DDX6: variants seen among roughly 807,000 people sequenced by gnomAD.
The protein encoded by DDX6 is probable ATP-dependent RNA helicase DDX6.
Under a neutral mutation model 60.6 loss-of-function variants are expected in DDX6, and 7 were observed. The observed-to-expected ratio is 0.12, with a 90% CI of 0.07 to 0.22. DDX6 has a LOEUF of 0.22. Among genes scored for constraint, DDX6 ranks in the 10% least tolerant of loss-of-function variants. The probability of loss-of-function intolerance (pLI) is 1.00; values close to 1 mark genes in which losing one functional copy is unlikely to be tolerated. For synonymous variants in DDX6, 207 were observed against 201.0 expected (o/e 1.03, Z -0.25); for missense variants, 270 against 589.9 (o/e 0.46, Z 5.62).
rs1555156243 is a variant in DDX6, at chr11:118,748,097, G to T, written c.*4008C>A. Reference sequence around the variant, plus strand: ...TTTTCCTGTTTCAAAAAAGGGAATAGTGACTTTGTTTTCTCCAGGCTCCCC... The same window carrying T: ...TTTTCCTGTTTCAAAAAAGGGAATATTGACTTTGTTTTCTCCAGGCTCCCC... On this transcript the variant is annotated 3_prime_UTR_variant, in exon 14 of 14. Transcript: ENST00000534980. 2 of 152,116 alleles carry T rather than the reference G, an allele frequency of 1.3e-5. No individual in the cohort carries two copies. The highest frequency in any genetic ancestry group is 4.8e-5 in the African/African-American group (2 of 41,428). The allele number at this position is 152,116 out of a possible 1,614,324, so 9.4% of individuals were successfully genotyped here. A position where few individuals can be genotyped will look rare whatever the true frequency, so the allele number is the denominator to read the frequency against.
intron 2 of DDX6, among the ~76,000 whole-genome samples, chr11:118,782,961 C>T (rs1354817813): frequency 2.6e-5 from 4 of 152,280 alleles, no homozygotes; most frequent in South Asian, 4.1e-4. Context: ...CCTGTATCAT[C>T]GAAGTTTCTG....
At chr11:118,790,244 C>G (rs1862224528) in intron 1 of DDX6, 1 of 150,882 alleles carries the variant, frequency 6.6e-6, no homozygotes, top group African/African-American at 2.4e-5. Context: ...TGTCCCCCCG[C>G]ACCCCGCCCC....
At position 118,765,202 on chromosome 11, in the gene DDX6, T is replaced by C. The variant is rs201557405; in HGVS notation, c.646+7A>G. The C allele has an allele frequency of 2.7e-4, 432 of 1,612,056 alleles. 2 individuals carry two copies. In the East Asian group the frequency reaches 9.5e-3, roughly 36 times the overall value. ...AGCTACACTACCTTTTAGTAATCAT[T>C]TCTTACCTGTATCATCAAGCCTCAT... On this transcript the variant is annotated splice_region_variant and intron_variant, in intron 6 of 13. Transcript: ENST00000534980.
intron 6 of DDX6, among the ~76,000 whole-genome samples, chr11:118,764,552 C>A (rs1861284473): frequency 6.6e-6 from 1 of 152,054 alleles, no homozygotes; most frequent in African/African-American, 2.4e-5. Flanking sequence ...CGCCTGTAAT[C>A]CCAGCACTTT....
At position 118,757,171 on chromosome 11, in the gene DDX6, C is replaced by A; in HGVS notation, c.1110G>T (p.Gln370His). The change falls in exon 10 of 14, where the codon CAG becomes CAT. Residue 370 changes from glutamine (Q) to histidine (H), a missense_variant and splice_region_variant. By Grantham distance (24) the Gln-to-His change is conservative. Around this residue, in one of 8 missense-constraint regions of DDX6, gnomAD observed 69 missense variants for 208.2 expected, o/e 0.33. Coordinates refer to ENST00000534980, the MANE Select transcript of DDX6 (RefSeq NM_004397.6). ...SCFYIHAKMRQEHRNRVFHDF... is the reference protein window; with the variant it reads ...SCFYIHAKMRHEHRNRVFHDF... ...GTGCAAGTTCTAGTTTTATACTCAC[C>A]TGCCTCATTTTAGCATGAATATAGA... is the stretch of plus-strand genomic sequence containing the variant. The A allele has an allele frequency of 6.7e-7, 1 of 1,500,400 alleles. No homozygotes were observed. The highest frequency in any genetic ancestry group is 9.0e-7 in the Non-Finnish European group (1 of 1,110,596). 92.9% of individuals were successfully genotyped at this position (1,500,400 alleles called of 1,614,324 possible). A position where few individuals can be genotyped will look rare whatever the true frequency, so the allele number is the denominator to read the frequency against.
intron 2 of DDX6, among the ~76,000 whole-genome samples, chr11:118,782,736 C>G (rs1555164911): frequency 6.6e-6 from 1 of 151,678 alleles, no homozygotes; most frequent in African/African-American, 2.4e-5. Context: ...CTCCACCTCC[C>G]GGGGTTCAAG....
rs1555157104 is a variant in DDX6, at chr11:118,751,000, T to C, written c.*1105A>G. The C allele has an allele frequency of 6.6e-6, 1 of 151,542 alleles. No homozygotes were observed. The highest frequency in any genetic ancestry group is 6.6e-5 in the Admixed American group (1 of 15,128). 9.4% of individuals were successfully genotyped at this position (151,542 alleles called of 1,614,324 possible). A position where few individuals can be genotyped will look rare whatever the true frequency, so the allele number is the denominator to read the frequency against. On this transcript the variant is annotated 3_prime_UTR_variant, in exon 14 of 14. Coordinates refer to ENST00000534980, the MANE Select transcript of DDX6 (RefSeq NM_004397.6). The stretch of plus-strand genomic sequence containing the variant: ...AAACTGAGCCCCTCTCATCTTTAGC[T>C]GCTCCCATAATCACTCTAATCCCCT...
At chr11:118,761,341 G>T (rs1555160130) in intron 7 of DDX6, among the ~76,000 whole-genome samples, 1 of 152,206 alleles carries the variant, frequency 6.6e-6, no homozygotes, top group African/African-American at 2.4e-5. Flanking sequence ...CTAAGGCCAG[G>T]TGTGGTGGCT....
chr11:118,775,401 A>C (rs1473633688), intron 4 of DDX6, among the ~76,000 whole-genome samples: 1 of 152,208 alleles, frequency 6.6e-6, no homozygotes. Context: ...AAATTTTTTT[A>C]CTAGGGGATC....
At chr11:118,761,694 A>G (rs1023119869) in intron 7 of DDX6, among the ~76,000 whole-genome samples, 1 of 152,158 alleles carries the variant, frequency 6.6e-6, no homozygotes, top group African/African-American at 2.4e-5. Flanking sequence ...AATTAAACCT[A>G]AACTCTGGCA....
Position 118,765,130 on chromosome 11 carries a change from A to G in DDX6, c.646+79T>C, listed in dbSNP as rs933944884. On this transcript the variant is annotated intron_variant, in intron 6 of 13. Transcript: ENST00000534980. ...TATTTCTGTTCCTTAATTCTTAAAA[A>G]CAATTTTTAATAATTTACTGAAATA... 3.3e-6 allele frequency: 5 copies of G among 1,537,780 alleles called. No homozygotes were observed. The Admixed American group carries it at 5.4e-5, about 17-fold the overall frequency.
chr11:118,752,859 TG>T (rs1440790240), intron 13 of DDX6, among the ~76,000 whole-genome samples: 4 of 151,988 alleles, frequency 2.6e-5, no homozygotes, highest in Admixed American at 6.6e-5. Context: ...GAAGCCAAAG[TG>T]GGAGGATCAT....
Position 118,773,873 on chromosome 11 carries a change from A to AC in DDX6, c.370-5522_370-5521insG, listed in dbSNP as rs1236187628. Among the ~76,000 whole-genome samples, 178 of 151,708 alleles carry AC rather than the reference A, an allele frequency of 1.2e-3. 1 individual carries two copies. The highest frequency in any genetic ancestry group is 3.7e-3 in the African/African-American group (152 of 41,420). ...AAACAAAACACACACCAAAAAAAAA[A>AC]ACAAAACAAACAAACAAAAAAAACC... On this transcript the variant is annotated intron_variant, in intron 4 of 13. Coordinates refer to ENST00000534980, the MANE Select transcript of DDX6 (RefSeq NM_004397.6).
At chr11:118,780,601 G>A (rs889780379) in intron 3 of DDX6, among the ~76,000 whole-genome samples, 1 of 152,236 alleles carries the variant, frequency 6.6e-6, no homozygotes, top group Non-Finnish European at 1.5e-5. Context: ...ACAGGCAAGA[G>A]CCACTGTGCC....
At position 118,757,220 on chromosome 11, in the gene DDX6, ATCT is replaced by A; in HGVS notation, c.1058_1060del (p.Lys353del). 6.3e-7 allele frequency: 1 copy of A among 1,591,722 alleles called. No individual in the cohort carries two copies. Among genetic ancestry groups the A allele is most frequent in the Non-Finnish European group, 8.5e-7 (1 of 1,170,390 alleles). ...GAAGCAAGAATAACCCAGTTGAGAA[ATCT>A]TCTTGGCTAGCAATTCAACTCGCTG... On this transcript the variant is annotated inframe_deletion, in exon 10 of 14. Coordinates refer to ENST00000534980, the MANE Select transcript of DDX6 (RefSeq NM_004397.6).
chr11:118,760,235 T>A (rs1479966908), intron 7 of DDX6, among the ~76,000 whole-genome samples, 191 bp from the exon 8 acceptor site: 1 of 152,034 alleles, frequency 6.6e-6, no homozygotes, highest in African/African-American at 2.4e-5. Flanking sequence ...ATAATCCCCA[T>A]CTTCTAGGGG....
chr11:118,750,198 T>TC lies in DDX6; in HGVS notation c.*1906dup, dbSNP rs1277363558. The TC allele has an allele frequency of 3.3e-5, 5 of 152,078 alleles. No individual in the cohort carries two copies. The highest frequency in any genetic ancestry group is 6.6e-5 in the Admixed American group (1 of 15,178). 9.4% of individuals were successfully genotyped at this position (152,078 alleles called of 1,614,324 possible). On this transcript the variant is annotated 3_prime_UTR_variant, in exon 14 of 14. Coordinates refer to ENST00000534980, the MANE Select transcript of DDX6 (RefSeq NM_004397.6). ...TTTTTAATTTTGTTTTTTGCTTTTTTCCCCCCCTTTCCAGATGCCTCCTGA... is the reference window on the plus strand; with the variant it reads ...TTTTTAATTTTGTTTTTTGCTTTTTTCCCCCCCCTTTCCAGATGCCTCCTGA...
intron 3 of DDX6, 54 bp downstream of exon 3, chr11:118,781,067 A>ACCTCACT: frequency 8.2e-7 from 1 of 1,222,358 alleles, no homozygotes; most frequent in South Asian, 1.3e-5. Context: ...GGACAGCTAT[A>ACCTCACT]CCTCACTTCT....
chr11:118,755,635 G>A, intron 11 of DDX6, 132 bp from the exon 12 acceptor site: 1 of 586,040 alleles, frequency 1.7e-6, no homozygotes, highest in Non-Finnish European at 3.0e-6. Flanking sequence ...GCACATTACT[G>A]GCATTACCTT....
Sources: gnomAD v4.1 joint callset for allele counts (sites outside exome capture counted in the v4.1 genomes callset) on GRCh38, gnomAD v4.1.1 for gene constraint, gnomAD v4.1.1 regional missense constraint, MANE v1.5 for transcripts, NCBI Gene and HGNC (gene_info 2026-07-23, HGNC 2026-07-21) for gene names.